Variants in SNCAIP observed in about 807,000 individuals in gnomAD.
The protein encoded by SNCAIP is synuclein alpha interacting protein.
A neutral mutation model predicts 86.7 loss-of-function variants in SNCAIP; 43 were observed. The observed-to-expected ratio is 0.50, with a 90% confidence interval of 0.39 to 0.64. The LOEUF is 0.64. Ranked by LOEUF, SNCAIP falls within the 30% of genes least tolerant of loss-of-function variation. SNCAIP has a pLI of 0.00. For missense variants in SNCAIP, 981 were observed against 1,103.1 expected (o/e 0.89, Z 1.57); for synonymous variants, 417 against 427.2 (o/e 0.98, Z 0.29).
At chr5:122,432,286 G>A (rs764344191) in intron 6 of SNCAIP, among the ~76,000 whole-genome samples, 6 of 152,028 alleles carry the variant, frequency 3.9e-5, no homozygotes, top group African/African-American at 9.7e-5. Flanking sequence ...ACAGATATTG[G>A]ATAAATAATG....
rs191463989 is a variant in SNCAIP at position 122,414,334 on chromosome 5, G to A, written c.131-8534G>A. 9.8e-4 allele frequency among the ~76,000 whole-genome samples: 147 copies of A among 150,350 alleles called. No homozygotes were observed. In the Middle Eastern group the frequency reaches 0.033, roughly 34 times the overall value. On this transcript the variant is annotated intron_variant, in intron 3 of 10. Coordinates refer to ENST00000261368, the MANE Select transcript of SNCAIP (RefSeq NM_005460.4). ...CAACCTCCATCTCCCAAGTTCAAGC[G>A]ATTCTCCTGCCTCAGCCTCCTGAGT...
In SNCAIP at chr5:122,438,676, G is replaced by A. The variant is rs61150948; in HGVS notation, c.1297-1953G>A. On this transcript the variant is annotated intron_variant, in intron 6 of 10. Coordinates refer to ENST00000261368, the MANE Select transcript of SNCAIP (RefSeq NM_005460.4). Reference sequence around the variant, plus strand: ...ATTATACTTCATTTTGCTTAAAGTCGCAATTTCCAAGAATCTGTCCATGCC... The same window carrying A: ...ATTATACTTCATTTTGCTTAAAGTCACAATTTCCAAGAATCTGTCCATGCC... Among the ~76,000 whole-genome samples, 788 of 152,168 alleles carry A rather than the reference G, an allele frequency of 5.2e-3. 13 individuals are homozygous for A. The highest frequency in any genetic ancestry group is 0.038 in the East Asian group (196 of 5,172).
intron 1 of SNCAIP, among the ~76,000 whole-genome samples, chr5:122,330,873 G>A (rs1755186455): frequency 6.6e-6 from 1 of 151,694 alleles, no homozygotes; most frequent in African/African-American, 2.4e-5. Context: ...AGAGTCAGTG[G>A]AAGCCCTGAG....
At chr5:122,334,692 A>AT (rs775780032) in intron 1 of SNCAIP, among the ~76,000 whole-genome samples, 6 of 151,892 alleles carry the variant, frequency 4.0e-5, no homozygotes, top group South Asian at 2.1e-4. Context: ...ATTAGGAGAA[A>AT]TTTTTTTTTA....
chr5:122,454,678 G>C (rs1455884864), intron 10 of SNCAIP, among the ~76,000 whole-genome samples: 1 of 152,112 alleles, frequency 6.6e-6, no homozygotes. Context: ...TTCTGGTTTT[G>C]TCCTTAAGCT....
At position 122,449,702 on chromosome 5, in the gene SNCAIP, C is replaced by T. The variant is rs991837123; in HGVS notation, c.1593-143C>T. 4.4e-6 allele frequency: 3 copies of T among 677,434 alleles called. No homozygotes were observed. The African/African-American group carries it at 5.4e-5, about 12-fold the overall frequency. The allele number at this position is 677,434 out of a possible 1,614,324, so 42.0% of individuals were successfully genotyped here. A position where few individuals can be genotyped will look rare whatever the true frequency, so the allele number is the denominator to read the frequency against. ...TGTTTCCTTAGGAAAATTTCTGAAC[C>T]TGTAAGGATGAATATTATGCACATT... is the stretch of plus-strand genomic sequence containing the variant. On this transcript the variant is annotated intron_variant, in intron 8 of 10. Transcript: ENST00000261368.
intron 2 of SNCAIP, among the ~76,000 whole-genome samples, chr5:122,393,573 T>C (rs1218381784): frequency 6.6e-6 from 1 of 152,138 alleles, no homozygotes; most frequent in Admixed American, 6.5e-5. Context: ...CAGAAACATT[T>C]AACAATACCA....
chr5:122,432,879 G>C (rs75677124), intron 6 of SNCAIP, among the ~76,000 whole-genome samples: 2 of 152,104 alleles, frequency 1.3e-5, no homozygotes, highest in Non-Finnish European at 2.9e-5. Context: ...TGTTAAAATA[G>C]ATTTAATTGT....
rs1764028574 is a variant in SNCAIP, at chr5:122,370,313, T to C, written c.-46-20776T>C. On this transcript the variant is annotated intron_variant, in intron 1 of 10. Coordinates refer to ENST00000261368, the MANE Select transcript of SNCAIP (RefSeq NM_005460.4). ...AGCCATGCAGTTTATTACATTGGATTATTCTTTTTATTGATATTTATTGAT... is the reference window on the plus strand; with the variant it reads ...AGCCATGCAGTTTATTACATTGGATCATTCTTTTTATTGATATTTATTGAT... Among the ~76,000 whole-genome samples the C allele has an allele frequency of 1.3e-5, 2 of 151,732 alleles. 1 individual carries two copies. Among genetic ancestry groups the C allele is most frequent in the South Asian group, 4.1e-4 (2 of 4,828 alleles).
chr5:122,365,143 C>G (rs1762919091), intron 1 of SNCAIP, among the ~76,000 whole-genome samples: 1 of 152,074 alleles, frequency 6.6e-6, no homozygotes, highest in African/African-American at 2.4e-5. Context: ...CTTATTTACT[C>G]CTGTGAAATG....
intron 1 of SNCAIP, among the ~76,000 whole-genome samples, chr5:122,359,276 A>C (rs768430645): frequency 1.3e-5 from 2 of 151,922 alleles, no homozygotes; most frequent in Non-Finnish European, 2.9e-5. Context: ...AAATAATGTC[A>C]TAGTATTTAC....
At chr5:122,462,017 A>G (rs911824330) in intron 10 of SNCAIP, among the ~76,000 whole-genome samples, 1 of 152,238 alleles carries the variant, frequency 6.6e-6, no homozygotes, top group African/African-American at 2.4e-5. Flanking sequence ...GCAGTCAAAT[A>G]CAAATGCGTA....
chr5:122,351,632 T>A (rs181207664), intron 1 of SNCAIP, among the ~76,000 whole-genome samples: 1 of 151,228 alleles, frequency 6.6e-6, no homozygotes, highest in Admixed American at 6.6e-5. Flanking sequence ...ACTGAGCAGC[T>A]TTTTTTGTTT....
intron 5 of SNCAIP, among the ~76,000 whole-genome samples, chr5:122,427,332 T>A (rs1296856077): frequency 2.0e-5 from 3 of 151,876 alleles, no homozygotes; most frequent in Non-Finnish European, 2.9e-5. Flanking sequence ...GCAGTCAACA[T>A]AAGATTGCCA....
chr5:122,311,976 C>G (rs1456684936), upstream of SNCAIP: 2 of 148,468 alleles, frequency 1.3e-5, no homozygotes, highest in Non-Finnish European at 1.5e-5. Flanking sequence ...GCGGCGGCCC[C>G]GGCAGCCTCC....
rs765911672 is a variant in SNCAIP at position 122,440,758 on chromosome 5, C to T, written c.1422+4C>T. ...TGGCTACCTTGGATGCATACAGGTA[C>T]ACAGGCCCTGCTGTTTTGCAATGAG... On this transcript the variant is annotated splice_donor_region_variant and intron_variant, in intron 7 of 10. Transcript: ENST00000261368. 6 of 1,613,386 alleles carry T rather than the reference C, an allele frequency of 3.7e-6. No individual in the cohort carries two copies. Among genetic ancestry groups the T allele is most frequent in the Non-Finnish European group, 5.1e-6 (6 of 1,179,458 alleles).
At chr5:122,353,391 T>C (rs1300662310) in intron 1 of SNCAIP, among the ~76,000 whole-genome samples, 1 of 150,078 alleles carries the variant, frequency 6.7e-6, no homozygotes, top group African/African-American at 2.5e-5. Flanking sequence ...TTATGATTTA[T>C]ATATTTTTCA....
intron 1 of SNCAIP, among the ~76,000 whole-genome samples, chr5:122,382,442 T>C (rs1390161224): frequency 2.0e-5 from 3 of 152,044 alleles, no homozygotes; most frequent in Admixed American, 2.0e-4. Flanking sequence ...TTATACATTC[T>C]TCTAAATTGT....
chr5:122,387,252 G>A (rs1379237790), intron 1 of SNCAIP, among the ~76,000 whole-genome samples: 5 of 151,544 alleles, frequency 3.3e-5, no homozygotes, highest in African/African-American at 7.3e-5. Context: ...TCCACCTCCC[G>A]GGTTCAAGTG....
Sources: allele counts gnomAD v4.1 joint callset (sites outside exome capture counted in the v4.1 genomes callset), GRCh38; gene constraint gnomAD v4.1.1; transcripts MANE v1.5; gene names NCBI Gene and HGNC (gene_info 2026-07-23, HGNC 2026-07-21).